Variants in PRSS12 observed in about 807,000 individuals in gnomAD.
The protein encoded by PRSS12 is serine protease 12.
A neutral mutation model predicts 104.4 loss-of-function variants in PRSS12; 85 were observed. The ratio of observed to expected loss-of-function variants is 0.81; its 90% CI spans 0.68 to 0.98. The LOEUF (loss-of-function observed/expected upper bound fraction) is 0.98, where lower values mean the gene tolerates loss of function less well. PRSS12 is among the 50% of genes least tolerant of loss of function. PRSS12 has a pLI of 0.00. For missense variants in PRSS12, 1,141 were observed against 1,139.2 expected (o/e 1.00, Z -0.02); for synonymous variants, 454 against 425.2 (o/e 1.07, Z -0.83).
In PRSS12 at chr4:118,313,196, C is replaced by G. The variant is rs764678904; in HGVS notation, c.1489+5G>C. On this transcript the variant is annotated splice_donor_5th_base_variant and intron_variant, in intron 7 of 12. Coordinates refer to ENST00000296498, the MANE Select transcript of PRSS12 (RefSeq NM_003619.4). ...GGAAACTTGAGAGCTGCAGCCAGTC[C>G]TCACCCAGAGAGAGCCTGTGTCCCT... 1 of 1,612,682 alleles carries G rather than the reference C, an allele frequency of 6.2e-7. No homozygotes were observed. Among genetic ancestry groups the G allele is most frequent in the Non-Finnish European group, 8.5e-7 (1 of 1,179,768 alleles).
Position 118,283,023 on chromosome 4 carries a change from G to T in PRSS12, c.2128C>A (p.Gln710Lys). 1 of 1,614,140 alleles carries T rather than the reference G, an allele frequency of 6.2e-7. No individual in the cohort carries two copies. Among genetic ancestry groups the T allele is most frequent in the Non-Finnish European group, 8.5e-7 (1 of 1,180,028 alleles). Reference sequence around the variant, plus strand: ...TACTCCCGATGAATCACAATCTGTTGAACTCCAATTTCTTCCTCAAACTCC... The same window carrying T: ...TACTCCCGATGAATCACAATCTGTTTAACTCCAATTTCTTCCTCAAACTCC... The part of the protein sequence containing the change: ...PEEFEEEIGV[Q>K]QIVIHREYRP... Residue 710 changes from glutamine to lysine, a missense_variant, in exon 12 of 13, where the codon CAA becomes AAA. Gln to Lys is a moderately conservative substitution (Grantham distance 53, BLOSUM62 1). Coordinates refer to ENST00000296498, the MANE Select transcript of PRSS12 (RefSeq NM_003619.4).
intron 2 of PRSS12, among the ~76,000 whole-genome samples, chr4:118,337,941 AGT>A (rs1724102139): frequency 6.6e-6 from 1 of 152,166 alleles, no homozygotes; most frequent in South Asian, 2.1e-4. Context: ...TTGCCCACTT[AGT>A]ATTTGCCCAT....
At chr4:118,293,293 T>A (rs1443815574) in intron 11 of PRSS12, among the ~76,000 whole-genome samples, 1 of 151,920 alleles carries the variant, frequency 6.6e-6, no homozygotes, top group South Asian at 2.1e-4. Context: ...AAAAATAAAC[T>A]GGAAAAATTA....
chr4:118,318,985 TACC>T (rs1435807460), intron 4 of PRSS12, among the ~76,000 whole-genome samples: 2 of 152,198 alleles, frequency 1.3e-5, no homozygotes, highest in African/African-American at 4.8e-5. Context: ...ACAATATCAC[TACC>T]ATCCATCTCC....
At chr4:118,308,381 T>C in intron 8 of PRSS12, 55 bp downstream of exon 8, 1 of 1,609,314 alleles carries the variant, frequency 6.2e-7, no homozygotes, top group Non-Finnish European at 8.5e-7. Flanking sequence ...ATTAAGCATT[T>C]AAAAATTCAG....
intron 8 of PRSS12, among the ~76,000 whole-genome samples, chr4:118,299,746 T>TA (rs372943908): frequency 0.26 from 21,270 of 80,918 alleles, 3,565 homozygotes; most frequent in South Asian, 0.36. Flanking sequence ...TAAAATAAAA[T>TA]AAATAAAATA....
At chr4:118,331,652 G>A (rs1723919264) in intron 4 of PRSS12, 64 bp downstream of exon 4, 2 of 1,601,024 alleles carry the variant, frequency 1.2e-6, no homozygotes, top group African/African-American at 1.3e-5. Context: ...AACAGCACCT[G>A]CCTTTGGGTA....
Position 118,352,769 on chromosome 4 carries a change from T to G in PRSS12, c.-49A>C, listed in dbSNP as rs202061255. The G allele has an allele frequency of 8.2e-4, 1,311 of 1,595,544 alleles. 15 individuals are homozygous for G. The African/African-American group carries it at 0.017, about 20-fold the overall frequency. On this transcript the variant is annotated 5_prime_UTR_variant, in exon 1 of 13. Transcript: ENST00000296498. The stretch of plus-strand genomic sequence containing the variant: ...TCCATGCTCCCCAGCTTCTCGGGCT[T>G]GGAGCGGAGAAGAGGAGGGGGCGGG...
At chr4:118,294,812 G>T in intron 11 of PRSS12, 127 bp downstream of exon 11, 2 of 1,322,804 alleles carry the variant, frequency 1.5e-6, no homozygotes, top group South Asian at 1.2e-5. Flanking sequence ...ATTCCACAGG[G>T]CTGCTGGCAC....
chr4:118,288,515 A>AT lies in PRSS12; in HGVS notation c.2040-5405dup, dbSNP rs1743059860. Among the ~76,000 whole-genome samples the AT allele has an allele frequency of 2.0e-5, 3 of 152,200 alleles. No homozygotes were observed. In the South Asian group the frequency reaches 6.2e-4, roughly 31 times the overall value. ...TCTAACAATTTCCAGCTACTATTGC[A>AT]TTTCTAGGGCAAAAAGTCAATGAGA... is the stretch of plus-strand genomic sequence containing the variant. On this transcript the variant is annotated intron_variant, in intron 11 of 12. Transcript: ENST00000296498.
intron 3 of PRSS12, among the ~76,000 whole-genome samples, chr4:118,333,063 G>A (rs994293103): frequency 6.6e-5 from 10 of 152,096 alleles, no homozygotes; most frequent in African/African-American, 2.2e-4. Flanking sequence ...TGAAAAAGCT[G>A]TTTTTTTAAG....
At chr4:118,327,125 T>G (rs1578929062) in intron 4 of PRSS12, among the ~76,000 whole-genome samples, 1 of 152,300 alleles carries the variant, frequency 6.6e-6, no homozygotes, top group East Asian at 1.9e-4. Flanking sequence ...TTTTTAAAAT[T>G]TAATGAACCG....
chr4:118,350,098 G>A (rs1043374771), intron 1 of PRSS12, among the ~76,000 whole-genome samples: 1 of 152,178 alleles, frequency 6.6e-6, no homozygotes, highest in Non-Finnish European at 1.5e-5. Context: ...TGCACAGTAA[G>A]TCCTAGCTAC....
At chr4:118,327,962 A>T (rs1306601417) in intron 4 of PRSS12, among the ~76,000 whole-genome samples, 1 of 152,266 alleles carries the variant, frequency 6.6e-6, no homozygotes, top group Non-Finnish European at 1.5e-5. Flanking sequence ...AACTGTAACC[A>T]CTACTCCAGA....
intron 4 of PRSS12, among the ~76,000 whole-genome samples, chr4:118,330,800 T>C (rs1466929648): frequency 6.6e-6 from 1 of 152,222 alleles, no homozygotes; most frequent in Non-Finnish European, 1.5e-5. Flanking sequence ...GTCTATATTT[T>C]ACTTTAAAAT....
chr4:118,325,386 A>T (rs11098433), intron 4 of PRSS12, among the ~76,000 whole-genome samples: 82,373 of 151,268 alleles, frequency 0.54, 23,249 homozygotes, highest in East Asian at 0.78. Flanking sequence ...CTGTATGTTT[A>T]TTATTTTAAT....
rs145151396 is a variant in PRSS12, at chr4:118,338,294, C to A, written c.523G>T (p.Gly175Cys). The change falls in exon 2 of 13, where the codon GGC (glycine) becomes TGC (cysteine). Residue 175 changes from glycine to cysteine, a missense_variant. Transcript: ENST00000296498. The part of the protein sequence containing the change: ...CRHGSVRLRG[G>C]KNEFEGTVEV... ...ACTGTGCCTTCAAACTCATTTTTGC[C>A]GCCACGAAGTCGTACTGATCCTAAA... The A allele has an allele frequency of 6.2e-7, 1 of 1,613,924 alleles. No homozygotes were observed. Among genetic ancestry groups the A allele is most frequent in the African/African-American group, 1.3e-5 (1 of 74,984 alleles).
chr4:118,302,099 T>C (rs780104462), intron 8 of PRSS12, among the ~76,000 whole-genome samples: 2 of 152,200 alleles, frequency 1.3e-5, no homozygotes, highest in Non-Finnish European at 2.9e-5. Flanking sequence ...TTCAACATTA[T>C]TAAGATATTT....
intron 4 of PRSS12, among the ~76,000 whole-genome samples, chr4:118,330,028 C>G (rs1723877657): frequency 6.6e-6 from 1 of 152,168 alleles, no homozygotes; most frequent in South Asian, 2.1e-4. Flanking sequence ...ATATTCCTAA[C>G]CAACCCAAAG....
Sources: allele counts gnomAD v4.1 joint callset (sites outside exome capture counted in the v4.1 genomes callset), GRCh38; gene constraint gnomAD v4.1.1; transcripts MANE v1.5; gene names NCBI Gene and HGNC (gene_info 2026-07-23, HGNC 2026-07-21).